Variants in SCYL2 observed in about 807,000 individuals in gnomAD.
The protein encoded by SCYL2 is SCY1-like protein 2.
In SCYL2, 36 loss-of-function variants were observed where a neutral mutation model predicts 100.4. The observed-to-expected ratio is 0.36, with a 90% confidence interval of 0.27 to 0.47. The LOEUF (loss-of-function observed/expected upper bound fraction) is 0.47. Ranked by LOEUF, SCYL2 falls within the 20% of genes least tolerant of loss-of-function variation. SCYL2 has a pLI of 1.00. For synonymous variants in SCYL2, 330 were observed against 359.2 expected (o/e 0.92, Z 0.92); for missense variants, 902 against 1,083.9 (o/e 0.83, Z 2.36).
chr12:100,275,615 G>T (rs1460333147), intron 1 of SCYL2, among the ~76,000 whole-genome samples: 1 of 152,156 alleles, frequency 6.6e-6, no homozygotes. Flanking sequence ...GTATGCAGTT[G>T]TGTCATTTGG....
At chr12:100,324,226 T>G (rs924027252) in intron 11 of SCYL2, among the ~76,000 whole-genome samples, 6 of 152,168 alleles carry the variant, frequency 3.9e-5, no homozygotes, top group African/African-American at 1.4e-4. Flanking sequence ...AATAACAAAG[T>G]TTTCATTATC....
intron 12 of SCYL2, among the ~76,000 whole-genome samples, chr12:100,327,518 A>AT (rs35023853): frequency 0.05 from 7,250 of 145,664 alleles, 251 homozygotes; most frequent in African/African-American, 0.11. Flanking sequence ...TTGTTTGCTA[A>AT]TTTTTTTTTT....
chr12:100,312,803 T>G, intron 6 of SCYL2, 150 bp downstream of exon 6: 1 of 585,638 alleles, frequency 1.7e-6, no homozygotes, highest in East Asian at 3.2e-5. Context: ...TATTATATTT[T>G]TATTTTAACA....
chr12:100,309,349 C>G (rs1394326193), intron 4 of SCYL2, among the ~76,000 whole-genome samples: 9 of 152,296 alleles, frequency 5.9e-5, no homozygotes, highest in African/African-American at 2.2e-4. Flanking sequence ...CAATCTGAAA[C>G]TCTGCCCCTG....
chr12:100,300,704 A>G (rs2096326551), intron 4 of SCYL2, among the ~76,000 whole-genome samples: 4 of 152,132 alleles, frequency 2.6e-5, no homozygotes, highest in South Asian at 4.2e-4. Context: ...CATGAGTTCA[A>G]TTGTTTTGAT....
chr12:100,331,376 G>T (rs1301416829), intron 13 of SCYL2, among the ~76,000 whole-genome samples: 2 of 152,132 alleles, frequency 1.3e-5, no homozygotes, highest in Non-Finnish European at 2.9e-5. Context: ...GGGAGGGAAG[G>T]GTAGGTGGAT....
rs61940539 is a variant in SCYL2, at chr12:100,285,906, T to G, written c.177+2759T>G. 9.9e-3 allele frequency among the ~76,000 whole-genome samples: 1,504 copies of G among 152,286 alleles called. 20 individuals are homozygous for G. The highest frequency in any genetic ancestry group is 0.017 in the Non-Finnish European group (1,138 of 67,996). Reference sequence around the variant, plus strand: ...ACTAATTTTTAAGTTATACTTTATTTAAACTAGCCATTAAAGATGGAAATT... The same window carrying G: ...ACTAATTTTTAAGTTATACTTTATTGAAACTAGCCATTAAAGATGGAAATT... On this transcript the variant is annotated intron_variant, in intron 2 of 17. Transcript: ENST00000360820.
At position 100,340,011 on chromosome 12, in the gene SCYL2, C is replaced by T. The variant is rs1301379676; in HGVS notation, c.*839C>T. 1 of 152,546 alleles carries T rather than the reference C, an allele frequency of 6.6e-6. No homozygotes were observed. Among genetic ancestry groups the T allele is most frequent in the Non-Finnish European group, 1.5e-5 (1 of 67,986 alleles). 9.4% of individuals were successfully genotyped at this position (152,546 alleles called of 1,614,324 possible). The stretch of plus-strand genomic sequence containing the variant: ...CATATTTCATTTCAAATTCAAACTT[C>T]TGAGGTTGCAGCATATATGAATTGC... On this transcript the variant is annotated 3_prime_UTR_variant, in exon 18 of 18. Coordinates refer to ENST00000360820, the MANE Select transcript of SCYL2 (RefSeq NM_017988.6).
chr12:100,334,323 A>G (rs1952249096), intron 14 of SCYL2, 57 bp downstream of exon 14: 1 of 986,070 alleles, frequency 1.0e-6, no homozygotes, highest in Non-Finnish European at 1.6e-6. Context: ...TAGTTGTCTT[A>G]TGATTGATTT....
chr12:100,295,550 C>G (rs1411154086), intron 3 of SCYL2, among the ~76,000 whole-genome samples: 1 of 152,008 alleles, frequency 6.6e-6, no homozygotes, highest in Non-Finnish European at 1.5e-5. Context: ...AATACGAAAA[C>G]CAGTCAGGCG....
At chr12:100,282,828 A>G in intron 1 of SCYL2, 115 bp from the exon 2 acceptor site, 3 of 463,432 alleles carry the variant, frequency 6.5e-6, no homozygotes, top group East Asian at 6.9e-5. Context: ...TTTCATCTAT[A>G]TAGGATTATT....
At chr12:100,295,780 AG>A (rs1276674455) in intron 3 of SCYL2, among the ~76,000 whole-genome samples, 5 of 150,948 alleles carry the variant, frequency 3.3e-5, no homozygotes, top group Non-Finnish European at 7.4e-5. Context: ...CGGGAGAGGG[AG>A]AGGGAGAGGG....
At chr12:100,304,207 A>T (rs907721858) in intron 4 of SCYL2, among the ~76,000 whole-genome samples, 3 of 151,930 alleles carry the variant, frequency 2.0e-5, no homozygotes, top group Non-Finnish European at 4.4e-5. Context: ...TGGGGGTGGG[A>T]TCTGCTGAGC....
chr12:100,335,761 A>C (rs763016384), intron 15 of SCYL2, 50 bp from the exon 16 acceptor site: 1 of 1,597,190 alleles, frequency 6.3e-7, no homozygotes, highest in Non-Finnish European at 8.6e-7. Context: ...AAGCAGCAAA[A>C]TCACATTTTT....
chr12:100,331,713 T>C (rs1592970330), intron 13 of SCYL2, among the ~76,000 whole-genome samples: 2 of 152,322 alleles, frequency 1.3e-5, no homozygotes, highest in East Asian at 3.9e-4. Flanking sequence ...TCATATCTTC[T>C]TGTATTTTAC....
At chr12:100,326,220 G>C (rs935799981) in intron 11 of SCYL2, among the ~76,000 whole-genome samples, 7 of 152,138 alleles carry the variant, frequency 4.6e-5, no homozygotes, top group Admixed American at 3.3e-4. Context: ...ACCCAAGTTA[G>C]AGTAAAATAC....
intron 10 of SCYL2, chr12:100,319,269 C>T (rs1160196381): frequency 4.4e-6 from 2 of 455,868 alleles, no homozygotes; most frequent in Non-Finnish European, 8.8e-6. Context: ...GTCCAAATGA[C>T]ATGGATGAGT....
chr12:100,286,759 G>A (rs1047090817), intron 2 of SCYL2, among the ~76,000 whole-genome samples: 1 of 151,416 alleles, frequency 6.6e-6, no homozygotes, highest in African/African-American at 2.4e-5. Flanking sequence ...TGCTAATATT[G>A]TATATACAAA....
chr12:100,326,652 A>G lies in SCYL2; in HGVS notation c.1540A>G (p.Lys514Glu). 2 of 1,606,286 alleles carry G rather than the reference A, an allele frequency of 1.2e-6. No homozygotes were observed. Among genetic ancestry groups the G allele is most frequent in the East Asian group, 4.5e-5 (2 of 44,604 alleles). ...TGTAAATTCATTAGTGTGCTTAGGA[A>G]AGATTTTGGAATACTTGGATAAGTG... Reference protein sequence around the residue: ...VRVNSLVCLGKILEYLDKWFV... With the variant: ...VRVNSLVCLGEILEYLDKWFV... The change falls in exon 12 of 18, where the codon AAG becomes GAG. Residue 514 changes from lysine (K) to glutamate (E), a missense_variant. By Grantham distance (56) the Lys-to-Glu change is moderately conservative. Coordinates refer to ENST00000360820, the MANE Select transcript of SCYL2 (RefSeq NM_017988.6).
Sources: allele counts gnomAD v4.1 joint callset (sites outside exome capture counted in the v4.1 genomes callset), GRCh38; gene constraint gnomAD v4.1.1; transcripts MANE v1.5; gene names NCBI Gene and HGNC (gene_info 2026-07-23, HGNC 2026-07-21).